The following ADGRE3 variants were observed in gnomAD, a reference collection of about 807,000 sequenced individuals.
ADGRE3 encodes adhesion G protein-coupled receptor E3.
In ADGRE3, 88 loss-of-function variants were observed where a neutral mutation model predicts 80.1. The observed-to-expected ratio is 1.10, with a 90% confidence interval of 0.93 to 1.31. The LOEUF is 1.31. ADGRE3 is among the 40% of genes most tolerant of loss of function. The pLI is 0.00. For missense variants in ADGRE3, 715 were observed against 776.5 expected (o/e 0.92, Z 0.94); for synonymous variants, 281 against 294.8 (o/e 0.95, Z 0.48).
intron 15 of ADGRE3, among the ~76,000 whole-genome samples, chr19:14,620,412 A>ATATTCATGTATATATGAATATATATGTG (rs1970511327): frequency 8.6e-6 from 1 of 116,510 alleles, no homozygotes; most frequent in Non-Finnish European, 1.9e-5. Flanking sequence ...ATATATATGT[A>ATATTCATGTATATATGAATATATATGTG]TATTCATGTA....
At chr19:14,636,128 T>TTCTTTCTC in intron 11 of ADGRE3, among the ~76,000 whole-genome samples, 1 of 82,454 alleles carries the variant, frequency 1.2e-5, no homozygotes, top group African/African-American at 4.1e-5. Flanking sequence ...CTTTCTTTCT[T>TTCTTTCTC]TCTTTCTTTC....
chr19:14,637,182 C>T (rs1259164392), intron 11 of ADGRE3, among the ~76,000 whole-genome samples: 2 of 152,158 alleles, frequency 1.3e-5, no homozygotes, highest in African/African-American at 2.4e-5. Flanking sequence ...CTACTGGCTT[C>T]AGCTGCTCTG....
chr19:14,651,284 G>A, intron 6 of ADGRE3, 80 bp from the exon 7 acceptor site: 1 of 1,488,864 alleles, frequency 6.7e-7, no homozygotes, highest in South Asian at 1.2e-5. Flanking sequence ...ACATGGTGGT[G>A]CATGCCTGTA....
chr19:14,628,334 C>A (rs1001968545), intron 14 of ADGRE3, among the ~76,000 whole-genome samples: 2 of 146,414 alleles, frequency 1.4e-5, no homozygotes, highest in African/African-American at 5.1e-5. Flanking sequence ...CCCAGGTACT[C>A]GGGAGGTGGA....
At chr19:14,669,804 A>C (rs181216111) in intron 1 of ADGRE3, among the ~76,000 whole-genome samples, 1 of 152,114 alleles carries the variant, frequency 6.6e-6, no homozygotes, top group East Asian at 1.9e-4. Context: ...GACTATTATT[A>C]TTTTTTTGGG....
intron 7 of ADGRE3, 121 bp from the exon 8 acceptor site, chr19:14,647,486 G>GCA: frequency 3.2e-5 from 23 of 719,648 alleles, no homozygotes; most frequent in South Asian, 8.3e-5. Context: ...GCGTGATCTT[G>GCA]GCTCACTGCA....
chr19:14,613,496 A>G, the ADGRE3 span, among the ~76,000 whole-genome samples: 1 of 151,712 alleles, frequency 6.6e-6, no homozygotes, highest in Non-Finnish European at 1.5e-5. Flanking sequence ...CTCCTAAAAT[A>G]CAAGGATTGC....
chr19:14,620,549 TATATATATATATATATA>T (rs2035582276), intron 15 of ADGRE3, among the ~76,000 whole-genome samples: 1 of 2,554 alleles, frequency 3.9e-4, no homozygotes, highest in Non-Finnish European at 6.4e-4. Context: ...ATATATATAT[TATATATATATATATATA>T]TATTTTTTTT....
chr19:14,620,537 T>TATATA (rs1415988959), intron 15 of ADGRE3, among the ~76,000 whole-genome samples: 13 of 18,448 alleles, frequency 7.0e-4, no homozygotes, highest in South Asian at 2.1e-3. Flanking sequence ...TATATATATT[T>TATATA]TATATATATA....
intron 14 of ADGRE3, among the ~76,000 whole-genome samples, chr19:14,626,053 G>A (rs934233569): frequency 1.3e-5 from 2 of 151,988 alleles, no homozygotes; most frequent in African/African-American, 4.8e-5. Context: ...TGCTACTAAT[G>A]GTACACTTAA....
chr19:14,647,770 T>C (rs1473341846), intron 7 of ADGRE3, among the ~76,000 whole-genome samples: 1 of 151,490 alleles, frequency 6.6e-6, no homozygotes, highest in East Asian at 2.0e-4. Flanking sequence ...CTGTGATCCC[T>C]GGAGGATTCG....
chr19:14,643,872 G>C (rs1468881980), intron 9 of ADGRE3, among the ~76,000 whole-genome samples: 5 of 151,986 alleles, frequency 3.3e-5, no homozygotes, highest in Admixed American at 6.6e-5. Context: ...CACTATGTTT[G>C]GCGAATTTTT....
At chr19:14,604,542 C>T in the ADGRE3 span, among the ~76,000 whole-genome samples, 1 of 152,002 alleles carries the variant, frequency 6.6e-6, no homozygotes, top group African/African-American at 2.4e-5. Flanking sequence ...GTGGGCAGAT[C>T]ACCTGAGGTC....
the ADGRE3 span, among the ~76,000 whole-genome samples, chr19:14,612,766 G>T: frequency 6.6e-6 from 1 of 152,022 alleles, no homozygotes; most frequent in Non-Finnish European, 1.5e-5. Context: ...CTGCCAGAGT[G>T]ACCCCCACCC....
chr19:14,616,003 C>T (rs2075073345), downstream of ADGRE3, among the ~76,000 whole-genome samples: 1 of 151,156 alleles, frequency 6.6e-6, no homozygotes, highest in African/African-American at 2.4e-5. Flanking sequence ...TGCTCTGTCG[C>T]CCACTGTAAC....
At chr19:14,619,000 C>G (rs1004430439), downstream of ADGRE3, 33 of 203,960 alleles carry the variant, frequency 1.6e-4, no homozygotes, top group Non-Finnish European at 2.9e-5. Flanking sequence ...CTTTGGGAAG[C>G]TGAGGCTGGA....
Position 14,625,493 on chromosome 19 carries a change from T to C in ADGRE3, c.1919A>G (p.Glu640Gly), listed in dbSNP as rs1970713383. The change falls in exon 15 of 16, where the codon GAG (glutamate) becomes GGG (glycine). Residue 640 changes from glutamate to glycine, a missense_variant and splice_region_variant. Physicochemically the swap from Glu to Gly is moderately conservative, Grantham distance 98. Transcript: ENST00000253673. Reference protein sequence around the residue: ...SKMGPDSKPSEGDVFPGQVKR... With the variant: ...SKMGPDSKPSGGDVFPGQVKR... ...GAACAATTCAGATGTTTCACTTACC[T>C]CACTGGGTTTTGAGTCAGGACCCAT... is the stretch of plus-strand genomic sequence containing the variant. 1.9e-6 allele frequency: 3 copies of C among 1,584,882 alleles called. No homozygotes were observed. The highest frequency in any genetic ancestry group is 1.7e-4 in the Middle Eastern group (1 of 6,026).
intron 15 of ADGRE3, among the ~76,000 whole-genome samples, chr19:14,625,012 C>T (rs1366850617): frequency 6.6e-6 from 1 of 152,004 alleles, no homozygotes; most frequent in Non-Finnish European, 1.5e-5. Flanking sequence ...CAGAGTCTCG[C>T]TCTGTCACCC....
chr19:14,640,785 G>A (rs564114127), intron 10 of ADGRE3, among the ~76,000 whole-genome samples: 6 of 152,216 alleles, frequency 3.9e-5, no homozygotes, highest in East Asian at 3.9e-4. Context: ...TATTGTTCTC[G>A]TGGTAGGAAA....
Sources: allele counts gnomAD v4.1 joint callset (sites outside exome capture counted in the v4.1 genomes callset), GRCh38; gene constraint gnomAD v4.1.1; transcripts MANE v1.5; gene names NCBI Gene and HGNC (gene_info 2026-07-23, HGNC 2026-07-21).